The following DENND4B variants were observed in gnomAD, a reference collection of about 807,000 sequenced individuals.
DENND4B encodes DENN domain-containing protein 4B.
A neutral mutation model predicts 161.0 loss-of-function variants in DENND4B; 67 were observed. The observed-to-expected ratio is 0.42, with a 90% confidence interval of 0.34 to 0.51. The LOEUF is 0.51. Among genes scored for constraint, DENND4B ranks in the 20% least tolerant of loss-of-function variants. DENND4B has a pLI of 0.08. For missense variants in DENND4B, 1,481 were observed against 1,968.0 expected, an observed-to-expected ratio of 0.75 and a Z score of 4.68; for synonymous variants, 753 against 813.8, an observed-to-expected ratio of 0.93 and a Z score of 1.27.
chr1:153,938,426 G>C (rs1231246691), intron 13 of DENND4B, among the ~76,000 whole-genome samples: 1 of 139,228 alleles, frequency 7.2e-6, no homozygotes, highest in African/African-American at 2.7e-5. Context: ...AAAAAAGCCA[G>C]GCGCGGTGGC....
rs1679988007 is a variant in DENND4B at position 153,946,619 on chromosome 1, C to A, written c.-342G>T. The A allele has an allele frequency of 7.8e-6, 3 of 386,190 alleles. No individual in the cohort carries two copies. Among genetic ancestry groups the A allele is most frequent in the Non-Finnish European group, 1.4e-5 (3 of 217,998 alleles). The allele number at this position is 386,190 out of a possible 1,614,324, so 23.9% of individuals were successfully genotyped here. On this transcript the variant is annotated 5_prime_UTR_variant, in exon 1 of 28. Transcript: ENST00000361217. This position sits in a 1 kb window ranked among gnomAD's most constrained non-coding sequence, Gnocchi z 6.3. Reference sequence around the variant, plus strand: ...GGGACCCAGCGTTCCTCCGCGCGCCCCGCTTTCTCTACTCCCCCAACCCCC... The same window carrying A: ...GGGACCCAGCGTTCCTCCGCGCGCCACGCTTTCTCTACTCCCCCAACCCCC...
chr1:153,941,072 A>G, intron 8 of DENND4B, 24 bp from the exon 9 acceptor site: 1 of 1,552,600 alleles, frequency 6.4e-7, no homozygotes, highest in Non-Finnish European at 8.7e-7. Context: ...CGAGGTGGGG[A>G]AAGGGTCACC....
Position 153,934,963 on chromosome 1 carries a change from G to A in DENND4B, c.2570C>T (p.Ala857Val). The A allele has an allele frequency of 1.2e-6, 2 of 1,610,622 alleles. No individual in the cohort carries two copies. The highest frequency in any genetic ancestry group is 1.7e-6 in the Non-Finnish European group (2 of 1,179,858). ...NTITYGYYNK[A>V]VLESKWPSGT... ...AGACGGCCACTTGCTTTCCAACACA[G>A]CCTACCAAGCACAGTGCCCATCAGG... The change falls in exon 18 of 28, where the codon GCT becomes GTT. Residue 857 changes from alanine to valine, a missense_variant and splice_region_variant. Physicochemically the swap from Ala to Val is moderately conservative, Grantham distance 64. Transcript: ENST00000361217. The surrounding 1 kb of genome is among the most constrained non-coding windows in gnomAD (Gnocchi z 5.3).
chr1:153,931,988 G>A (rs777773947), intron 24 of DENND4B, among the ~76,000 whole-genome samples: 2 of 151,296 alleles, frequency 1.3e-5, no homozygotes, highest in African/African-American at 4.9e-5. Flanking sequence ...TGTATTTTTA[G>A]TAGAGACAGG....
rs763865336 is a variant in DENND4B, at chr1:153,933,252, C to T, written c.3398G>A (p.Arg1133His). ...GGTGTCACTGAGGCGCTCTGAGGAA[C>T]GGCGAAGACTCAGGTTGCTGAGAGA... ...ESSLSNLSLR[R>H]SSERLSDTPG... The change falls in exon 21 of 28, where the codon CGT becomes CAT. Residue 1133 changes from arginine to histidine, a missense_variant. Arg to His is a conservative substitution (Grantham distance 29, BLOSUM62 0). Around this residue, in one of 3 missense-constraint regions of DENND4B, gnomAD observed 336 missense variants for 503.3 expected, o/e 0.67. Coordinates refer to ENST00000361217, the MANE Select transcript of DENND4B (RefSeq NM_014856.3). The surrounding 1 kb of genome is among the most constrained non-coding windows in gnomAD (Gnocchi z 5.7). The T allele has an allele frequency of 5.6e-6, 9 of 1,612,926 alleles. No homozygotes were observed. The highest frequency in any genetic ancestry group is 2.2e-5 in the South Asian group (2 of 90,848).
At chr1:153,943,583 CAGG>C (rs1679794434) in intron 2 of DENND4B, among the ~76,000 whole-genome samples, 1 of 147,598 alleles carries the variant, frequency 6.8e-6, no homozygotes, top group Admixed American at 7.1e-5. Flanking sequence ...GAAGCTGAGG[CAGG>C]AGAATTGCCT....
In DENND4B at chr1:153,933,571, A is replaced by C. The variant is rs755489955; in HGVS notation, c.3242T>G (p.Leu1081Arg). The stretch of plus-strand genomic sequence containing the variant: ...GGCTGGGGGTGGCAGGTCAGGAGGC[A>C]GCTCAGGTGGGGGAATGCGGGAGGC... ...SPASRIPPPE[L>R]PPDLPPPARR... Residue 1081 changes from leucine (L) to arginine (R), a missense_variant, in exon 20 of 28, where the codon CTG becomes CGG. By Grantham distance (102) the Leu-to-Arg change is moderately radical (BLOSUM62 -2). Around this residue, in one of 3 missense-constraint regions of DENND4B, gnomAD observed 339 missense variants for 330.3 expected, o/e 1.03. Coordinates refer to ENST00000361217, the MANE Select transcript of DENND4B (RefSeq NM_014856.3). The surrounding 1 kb of genome is among the most constrained non-coding windows in gnomAD (Gnocchi z 5.7). The C allele has an allele frequency of 5.8e-6, 9 of 1,558,908 alleles. No individual in the cohort carries two copies. The highest frequency in any genetic ancestry group is 2.0e-5 in the Admixed American group (1 of 50,924).
chr1:153,946,631 C>T lies in DENND4B; in HGVS notation c.-354G>A. ...TCCTCCGCGCGCCCCGCTTTCTCTACTCCCCCAACCCCCGCTCCGGGCCGC... is the reference window on the plus strand; with the variant it reads ...TCCTCCGCGCGCCCCGCTTTCTCTATTCCCCCAACCCCCGCTCCGGGCCGC... On this transcript the variant is annotated 5_prime_UTR_variant, in exon 1 of 28. Coordinates refer to ENST00000361217, the MANE Select transcript of DENND4B (RefSeq NM_014856.3). This position sits in a 1 kb window ranked among gnomAD's most constrained non-coding sequence, Gnocchi z 6.3. The T allele has an allele frequency of 2.6e-6, 1 of 385,082 alleles. No homozygotes were observed. 23.9% of individuals were successfully genotyped at this position (385,082 alleles called of 1,614,324 possible).
rs772942027 is a variant in DENND4B at position 153,930,164 on chromosome 1, G to A, written c.*133C>T. On this transcript the variant is annotated 3_prime_UTR_variant, in exon 28 of 28. Transcript: ENST00000361217. The surrounding 1 kb of genome is among the most constrained non-coding windows in gnomAD (Gnocchi z 4.7). ...GTGGATCCCTCTTCCTGTTGTCCTC[G>A]CTTGGAGCCTTTGACTGGGCATCCT... 51 of 1,225,340 alleles carry A rather than the reference G, an allele frequency of 4.2e-5. No homozygotes were observed. Among genetic ancestry groups the A allele is most frequent in the African/African-American group, 2.0e-4 (13 of 65,606 alleles). The allele number at this position is 1,225,340 out of a possible 1,614,324, so 75.9% of individuals were successfully genotyped here.
Position 153,932,234 on chromosome 1 carries a change from C to T in DENND4B, c.3966G>A (p.Leu1322=), listed in dbSNP as rs1679000008. 10 of 1,613,798 alleles carry T rather than the reference C, an allele frequency of 6.2e-6. No individual in the cohort carries two copies. Among genetic ancestry groups the T allele is most frequent in the Non-Finnish European group, 8.5e-6 (10 of 1,179,860 alleles). ...AGTGCGAAGGCCCATCACAGGAGGC[C>T]AGCACCAGGCCTGGTAGAATACTGG... ...RLPSILPGLV[L]ASCDGPSHSQ... The change falls in exon 24 of 28, where the codon CTG becomes CTA. Residue 1322 remains leucine (L), a synonymous_variant. Coordinates refer to ENST00000361217, the MANE Select transcript of DENND4B (RefSeq NM_014856.3). This position sits in a 1 kb window ranked among gnomAD's most constrained non-coding sequence, Gnocchi z 5.8.
In DENND4B at chr1:153,931,053, A is replaced by G. The variant is rs778314875; in HGVS notation, c.4008T>C (p.Pro1336=). ...CAGAGGCTGGATCAGGGGTTAGCCA[A>G]GGAGATGGGGCCTGGGGGAGCCAAG... ...DGPSHSQAPS[P]WLTPDPASVQ... is the part of the protein sequence containing the mutation. The change falls in exon 25 of 28, where the codon CCT becomes CCC. Residue 1336 remains proline (P), a synonymous_variant. Coordinates refer to ENST00000361217, the MANE Select transcript of DENND4B (RefSeq NM_014856.3). 6.2e-6 allele frequency: 10 copies of G among 1,611,082 alleles called. No individual in the cohort carries two copies. The East Asian group carries it at 2.0e-4, about 32-fold the overall frequency.
At position 153,944,073 on chromosome 1, in the gene DENND4B, G is replaced by A. The variant is rs1299178847; in HGVS notation, c.302C>T (p.Pro101Leu). The change falls in exon 2 of 28, where the codon CCC (proline) becomes CTC (leucine). Residue 101 changes from proline (P) to leucine (L), a missense_variant. Pro to Leu is a moderately conservative substitution (Grantham distance 98). Coordinates refer to ENST00000361217, the MANE Select transcript of DENND4B (RefSeq NM_014856.3). This position sits in a 1 kb window ranked among gnomAD's most constrained non-coding sequence, Gnocchi z 4.8. ...ICYRRGRDKPPLVELGVLYEG... is the reference protein window; with the variant it reads ...ICYRRGRDKPLLVELGVLYEG... ...GGGCACACACCCCAGCTCAACGAGG[G>A]GGGGCTTGTCACGGCCCCTGCGGTA... The A allele has an allele frequency of 1.3e-6, 2 of 1,573,524 alleles. No homozygotes were observed. Among genetic ancestry groups the A allele is most frequent in the Non-Finnish European group, 1.7e-6 (2 of 1,156,960 alleles).
At chr1:153,945,286 G>C (rs1166324094) in intron 1 of DENND4B, 1 of 690,990 alleles carries the variant, frequency 1.4e-6, no homozygotes, top group African/African-American at 1.9e-5. Context: ...GTTACTTCCT[G>C]AAACAGTGGA....
chr1:153,936,878 A>G lies in DENND4B; in HGVS notation c.2233-130T>C. ...GAGTGCAGTGGCGCAATCTTGGCTC[A>G]CTGCAGACTCGGCCTCCTGGGCTCA... On this transcript the variant is annotated intron_variant, in intron 15 of 27. Coordinates refer to ENST00000361217, the MANE Select transcript of DENND4B (RefSeq NM_014856.3). The surrounding 1 kb of genome is among the most constrained non-coding windows in gnomAD (Gnocchi z 4.1). 1 of 907,614 alleles carries G rather than the reference A, an allele frequency of 1.1e-6. No homozygotes were observed. The highest frequency in any genetic ancestry group is 1.6e-6 in the Non-Finnish European group (1 of 633,166). 56.2% of individuals were successfully genotyped at this position (907,614 alleles called of 1,614,324 possible).
In DENND4B at chr1:153,930,764, T is replaced by C. The variant is rs1249751026; in HGVS notation, c.4208A>G (p.Asn1403Ser). 1 of 1,610,618 alleles carries C rather than the reference T, an allele frequency of 6.2e-7. No individual in the cohort carries two copies. Among genetic ancestry groups the C allele is most frequent in the Non-Finnish European group, 8.5e-7 (1 of 1,178,376 alleles). The change falls in exon 26 of 28, where the codon AAT (asparagine) becomes AGT (serine). Residue 1403 changes from asparagine (N) to serine (S), a missense_variant. This residue lies in a region of DENND4B where 336 missense variants were observed against 503.3 expected (regional missense o/e 0.67). Coordinates refer to ENST00000361217, the MANE Select transcript of DENND4B (RefSeq NM_014856.3). The surrounding 1 kb of genome is among the most constrained non-coding windows in gnomAD (Gnocchi z 4.7). ...GAGCCCCACAGCCTTGTGCACTTCA[T>C]TGAGTCCAACATGGCGCAGCACTGA... ...LESVLRHVGL[N>S]EVHKAVGLLL...
intron 17 of DENND4B, 91 bp from the exon 18 acceptor site, chr1:153,935,055 C>T (rs1359121979): frequency 2.6e-6 from 4 of 1,556,260 alleles, no homozygotes; most frequent in South Asian, 1.2e-5. Context: ...CAGGGACCGC[C>T]CTTCCCCTGC....
chr1:153,935,471 C>G (rs1679280754), intron 17 of DENND4B, among the ~76,000 whole-genome samples: 1 of 152,204 alleles, frequency 6.6e-6, no homozygotes, highest in African/African-American at 2.4e-5. Flanking sequence ...CTCAGCCTCC[C>G]AAGTAGCTGG....
chr1:153,934,830 T>TGCTGCTGCTGCTGC lies in DENND4B; in HGVS notation c.2702_2703insGCAGCAGCAGCAGC (p.Gln906HisfsTer48), dbSNP rs375088543. The stretch of plus-strand genomic sequence containing the variant: ...GCTGCTGCTGCTGCTGCTGCTGCTG[T>TGCTGCTGCTGCTGC]TGCTGCTGCTGCTGCTGTTGCCGTT... On this transcript the variant is annotated frameshift_variant, in exon 18 of 28. Coordinates refer to ENST00000361217, the MANE Select transcript of DENND4B (RefSeq NM_014856.3). LOFTEE classifies it high-confidence loss of function. The surrounding 1 kb of genome is among the most constrained non-coding windows in gnomAD (Gnocchi z 5.3). 1.9e-5 allele frequency: 24 copies of TGCTGCTGCTGCTGC among 1,285,228 alleles called. No homozygotes were observed. In the East Asian group the frequency reaches 3.6e-4, roughly 19 times the overall value. The allele number at this position is 1,285,228 out of a possible 1,614,324, so 79.6% of individuals were successfully genotyped here. A position where few individuals can be genotyped will look rare whatever the true frequency, so the allele number is the denominator to read the frequency against.
In DENND4B at chr1:153,942,628, AC is replaced by A. The variant is rs1386519233; in HGVS notation, c.571-4del. 6.3e-7 allele frequency: 1 copy of A among 1,585,922 alleles called. No individual in the cohort carries two copies. Among genetic ancestry groups the A allele is most frequent in the East Asian group, 2.3e-5 (1 of 43,870 alleles). ...CACAGGTACACTGCTGGGCCCCACT[AC>A]CCCAGAAATGGCAAGAGACAAGCAG... On this transcript the variant is annotated splice_region_variant and splice_polypyrimidine_tract_variant and intron_variant, in intron 3 of 27. Coordinates refer to ENST00000361217, the MANE Select transcript of DENND4B (RefSeq NM_014856.3). This position sits in a 1 kb window ranked among gnomAD's most constrained non-coding sequence, Gnocchi z 6.9.
Sources: gnomAD v4.1 joint callset for allele counts (sites outside exome capture counted in the v4.1 genomes callset) on GRCh38, gnomAD v4.1.1 for gene constraint, gnomAD v4.1.1 regional missense constraint, Gnocchi (gnomAD v3.1) non-coding constraint, MANE v1.5 for transcripts, NCBI Gene and HGNC (gene_info 2026-07-23, HGNC 2026-07-21) for gene names.